PGR: variants seen among roughly 807,000 people sequenced by gnomAD.
The protein encoded by PGR is nuclear receptor subfamily 3 group C member 3.
In PGR, 25 loss-of-function variants were observed where a neutral mutation model predicts 76.1. The observed-to-expected ratio is 0.33, with a 90% CI of 0.24 to 0.46. PGR has a LOEUF of 0.46. Ranked by LOEUF, PGR falls within the 20% of genes least tolerant of loss-of-function variation. PGR has a pLI of 1.00. For synonymous variants in PGR, 579 were observed against 535.0 expected (o/e 1.08, Z -1.14); for missense variants, 1,172 against 1,225.3 (o/e 0.96, Z 0.65).
intron 2 of PGR, among the ~76,000 whole-genome samples, chr11:101,112,509 T>C (rs999309985): frequency 6.6e-6 from 1 of 152,100 alleles, no homozygotes; most frequent in East Asian, 1.9e-4. Context: ...CTTCTGTCCA[T>C]ACAGATGGTG....
At chr11:101,108,192 T>C (rs1862235638) in intron 2 of PGR, among the ~76,000 whole-genome samples, 1 of 150,086 alleles carries the variant, frequency 6.7e-6, no homozygotes, top group South Asian at 2.1e-4. Flanking sequence ...AGGCAGAGGT[T>C]GCAGTGAGCA....
chr11:101,096,339 A>G, intron 2 of PGR, among the ~76,000 whole-genome samples: 1 of 152,232 alleles, frequency 6.6e-6, no homozygotes, highest in East Asian at 1.9e-4. Context: ...GTGATGAGCC[A>G]TCAAAACTGC....
At chr11:101,044,700 C>CTTTTTTTTTTTTTTTTTTTT (rs34361620) in intron 6 of PGR, among the ~76,000 whole-genome samples, 1 of 75,848 alleles carries the variant, frequency 1.3e-5, no homozygotes, top group African/African-American at 4.7e-5. Context: ...GGCCTAATTG[C>CTTTTTTTTTTTTTTTTTTTT]TTTTTTTTTT....
At position 101,032,802 on chromosome 11, in the gene PGR, C is replaced by T. The variant is rs973297755; in HGVS notation, c.*6314G>A. On this transcript the variant is annotated 3_prime_UTR_variant, in exon 8 of 8. Coordinates refer to ENST00000325455, the MANE Select transcript of PGR (RefSeq NM_000926.4). ...AGCTATCTGTTTACCTGTCTTTATT[C>T]CCCATCCAACTCTAAGCTCGGAGAA... The T allele has an allele frequency of 1.0e-5, 2 of 192,104 alleles. No homozygotes were observed. The highest frequency in any genetic ancestry group is 2.2e-5 in the Non-Finnish European group (2 of 92,020). The allele number at this position is 192,104 out of a possible 1,614,324, so 11.9% of individuals were successfully genotyped here.
chr11:101,106,994 T>C (rs1862183109), intron 2 of PGR, among the ~76,000 whole-genome samples: 1 of 152,074 alleles, frequency 6.6e-6, no homozygotes, highest in South Asian at 2.1e-4. Context: ...GTCTCACTGA[T>C]AAGTGGGAGT....
intron 2 of PGR, among the ~76,000 whole-genome samples, chr11:101,118,935 C>T (rs1862591248): frequency 6.6e-6 from 1 of 152,130 alleles, no homozygotes; most frequent in South Asian, 2.1e-4. Flanking sequence ...CAGCAGTCCT[C>T]AACCTTTTTG....
chr11:101,103,558 T>C (rs761342412), intron 2 of PGR, among the ~76,000 whole-genome samples: 1 of 152,162 alleles, frequency 6.6e-6, no homozygotes, highest in Non-Finnish European at 1.5e-5. Context: ...AGACTGGGCA[T>C]ATTCCTGACC....
At chr11:101,056,487 G>A (rs1397461711) in intron 4 of PGR, among the ~76,000 whole-genome samples, 1 of 151,858 alleles carries the variant, frequency 6.6e-6, no homozygotes, top group Non-Finnish European at 1.5e-5. Flanking sequence ...AGCTTGTCCA[G>A]GTGTGGTGGT....
chr11:101,105,716 G>A (rs1428850285), intron 2 of PGR, among the ~76,000 whole-genome samples: 1 of 151,938 alleles, frequency 6.6e-6, no homozygotes. Flanking sequence ...TCACAGAATT[G>A]GAAAAAGCTA....
Position 101,128,797 on chromosome 11 carries a change from C to G in PGR, c.274G>C (p.Ala92Pro). The G allele has an allele frequency of 6.2e-7, 1 of 1,614,186 alleles. No individual in the cohort carries two copies. The highest frequency in any genetic ancestry group is 1.3e-5 in the African/African-American group (1 of 75,086). ...DVEGAYSRAEATRGAGGSSSS... is the reference protein window; with the variant it reads ...DVEGAYSRAEPTRGAGGSSSS... Reference sequence around the variant, plus strand: ...CTGCTGCCTCCAGCACCCCTTGTAGCTTCAGCTCTGGAATATGCGCCCTCC... The same window carrying G: ...CTGCTGCCTCCAGCACCCCTTGTAGGTTCAGCTCTGGAATATGCGCCCTCC... The change falls in exon 1 of 8, where the codon GCT becomes CCT. Residue 92 changes from alanine to proline, a missense_variant. Around this residue, in one of 4 missense-constraint regions of PGR, gnomAD observed 893 missense variants for 785.9 expected, o/e 1.14. Coordinates refer to ENST00000325455, the MANE Select transcript of PGR (RefSeq NM_000926.4).
rs1241404110 is a variant in PGR, at chr11:101,108,643, A to G, written c.1790-16767T>C. Among the ~76,000 whole-genome samples the G allele has an allele frequency of 2.6e-5, 4 of 152,184 alleles. No homozygotes were observed. The East Asian group carries it at 7.7e-4, about 29-fold the overall frequency. On this transcript the variant is annotated intron_variant, in intron 2 of 7. Transcript: ENST00000325455. ...AGCGGTTTAATTTTTGGAGTCTGCC[A>G]GAACTGGGTTTGGTTACCAGCTCCA...
At position 101,032,795 on chromosome 11, in the gene PGR, CTT is replaced by C. The variant is rs1213718752; in HGVS notation, c.*6319_*6320del. Reference sequence around the variant, plus strand: ...ATATTGTAGCTATCTGTTTACCTGTCTTTATTCCCCATCCAACTCTAAGCTCG... The same window carrying C: ...ATATTGTAGCTATCTGTTTACCTGTCTATTCCCCATCCAACTCTAAGCTCG... On this transcript the variant is annotated 3_prime_UTR_variant, in exon 8 of 8. Transcript: ENST00000325455. 5.2e-6 allele frequency: 1 copy of C among 193,372 alleles called. No individual in the cohort carries two copies. Among genetic ancestry groups the C allele is most frequent in the Non-Finnish European group, 1.1e-5 (1 of 92,720 alleles). 12.0% of individuals were successfully genotyped at this position (193,372 alleles called of 1,614,324 possible). A position where few individuals can be genotyped will look rare whatever the true frequency, so the allele number is the denominator to read the frequency against.
In PGR at chr11:101,110,765, G is replaced by A. The variant is rs191269665; in HGVS notation, c.1789+15242C>T. 6.7e-4 allele frequency among the ~76,000 whole-genome samples: 102 copies of A among 152,236 alleles called. No homozygotes were observed. In the East Asian group the frequency reaches 0.019, roughly 29 times the overall value. On this transcript the variant is annotated intron_variant, in intron 2 of 7. Coordinates refer to ENST00000325455, the MANE Select transcript of PGR (RefSeq NM_000926.4). ...TGCATACTACAGAGTAATCTTTTGT[G>A]AAAGGAACAGTCTATGGATATGGTA...
At chr11:101,122,788 C>A (rs552901313) in intron 2 of PGR, among the ~76,000 whole-genome samples, 18 of 152,268 alleles carry the variant, frequency 1.2e-4, no homozygotes, top group Admixed American at 9.8e-4. Context: ...GGCTTTATCA[C>A]CTCCCTCTCC....
chr11:101,112,447 A>C (rs1862371869), intron 2 of PGR, among the ~76,000 whole-genome samples: 1 of 152,102 alleles, frequency 6.6e-6, no homozygotes, highest in African/African-American at 2.4e-5. Flanking sequence ...TGGACTTGAG[A>C]ACTGCAGAGC....
At chr11:101,069,785 A>G (rs1162130973) in intron 3 of PGR, among the ~76,000 whole-genome samples, 2 of 152,094 alleles carry the variant, frequency 1.3e-5, no homozygotes, top group Non-Finnish European at 2.9e-5. Context: ...ATATTCTCTC[A>G]TAAGTGGGAG....
At position 101,121,046 on chromosome 11, in the gene PGR, C is replaced by T. The variant is rs531052786; in HGVS notation, c.1789+4961G>A. On this transcript the variant is annotated intron_variant, in intron 2 of 7. Transcript: ENST00000325455. ...CAGTACAGTAGAGATTTCAATGAACCCTAATGTAAAGTGGTGCTTAAAACC... is the reference window on the plus strand; with the variant it reads ...CAGTACAGTAGAGATTTCAATGAACTCTAATGTAAAGTGGTGCTTAAAACC... 2.4e-4 allele frequency among the ~76,000 whole-genome samples: 36 copies of T among 152,142 alleles called. 3 individuals carry two copies. In the South Asian group the frequency reaches 6.4e-3, roughly 27 times the overall value.
chr11:101,055,780 G>T (rs780808889), intron 4 of PGR, among the ~76,000 whole-genome samples: 1 of 151,842 alleles, frequency 6.6e-6, no homozygotes, highest in African/African-American at 2.4e-5. Context: ...TTTTGTTTTC[G>T]TCTTTTTGCT....
chr11:101,046,832 T>A (rs1031634499), intron 6 of PGR, among the ~76,000 whole-genome samples: 3 of 152,164 alleles, frequency 2.0e-5, no homozygotes, highest in Non-Finnish European at 4.4e-5. Context: ...TATTCTAATA[T>A]ATACTTGTCT....
Sources: allele counts gnomAD v4.1 joint callset (sites outside exome capture counted in the v4.1 genomes callset), GRCh38; gene constraint gnomAD v4.1.1; regional missense constraint gnomAD v4.1.1; transcripts MANE v1.5; gene names NCBI Gene and HGNC (gene_info 2026-07-23, HGNC 2026-07-21).